The following HPSE2 variants were observed in gnomAD, a reference collection of about 807,000 sequenced individuals.
HPSE2 encodes heparanase 2 (inactive).
In HPSE2, 38 loss-of-function variants were observed where a neutral mutation model predicts 60.5. That is an observed-to-expected ratio of 0.63 (90% CI 0.48 to 0.82). The LOEUF (loss-of-function observed/expected upper bound fraction) is 0.82, where lower values mean the gene tolerates loss of function less well. Among genes scored for constraint, HPSE2 ranks in the 40% least tolerant of loss-of-function variants. The pLI is 0.00. For missense variants in HPSE2, 713 were observed against 740.4 expected (o/e 0.96, Z 0.43); for synonymous variants, 295 against 293.2 (o/e 1.01, Z -0.06).
At chr10:99,017,579 G>T (rs960892415) in intron 3 of HPSE2, among the ~76,000 whole-genome samples, 4 of 151,976 alleles carry the variant, frequency 2.6e-5, no homozygotes, top group African/African-American at 9.7e-5. Flanking sequence ...TCAATTTTTT[G>T]AAATAGTTTC....
At chr10:99,281,506 C>T in the HPSE2 span, among the ~76,000 whole-genome samples, 6 of 151,886 alleles carry the variant, frequency 4.0e-5, no homozygotes, top group South Asian at 1.0e-3. Context: ...ACTTATAACT[C>T]CTAAAATTCT....
intron 3 of HPSE2, among the ~76,000 whole-genome samples, chr10:98,764,681 C>T (rs1004809036): frequency 2.0e-5 from 3 of 152,220 alleles, no homozygotes; most frequent in South Asian, 4.1e-4. Flanking sequence ...TGGTGAAACC[C>T]TGTCTTCTAC....
chr10:98,932,872 T>A (rs1157490991), intron 3 of HPSE2, among the ~76,000 whole-genome samples: 1 of 143,802 alleles, frequency 7.0e-6, no homozygotes, highest in Non-Finnish European at 1.5e-5. Flanking sequence ...TCTCTTTTCT[T>A]CTCTATTAGT....
intron 3 of HPSE2, among the ~76,000 whole-genome samples, chr10:99,100,404 CA>C (rs1357809302): frequency 1.3e-5 from 2 of 151,978 alleles, no homozygotes; most frequent in Non-Finnish European, 2.9e-5. Context: ...GACTGAAGAT[CA>C]AATGAATGAA....
At chr10:99,225,062 A>C (rs1849429264) in intron 2 of HPSE2, among the ~76,000 whole-genome samples, 1 of 152,094 alleles carries the variant, frequency 6.6e-6, no homozygotes, top group Non-Finnish European at 1.5e-5. Flanking sequence ...CTGCGTACAA[A>C]ATTTCAAAGG....
chr10:98,546,413 G>A lies in HPSE2; in HGVS notation c.1321-56217C>T, dbSNP rs957739622. Among the ~76,000 whole-genome samples the A allele has an allele frequency of 6.9e-4, 102 of 147,306 alleles. 1 individual carries two copies. Among genetic ancestry groups the A allele is most frequent in the Admixed American group, 5.9e-3 (87 of 14,624 alleles). On this transcript the variant is annotated intron_variant, in intron 9 of 11. Transcript: ENST00000370552. ...ACCTGACTTCAAACTATACTACAAG[G>A]CTACAGTAACCAAAACAGCATGGTA...
At chr10:98,803,906 C>G (rs1178109235) in intron 3 of HPSE2, among the ~76,000 whole-genome samples, 4 of 151,904 alleles carry the variant, frequency 2.6e-5, no homozygotes, top group Non-Finnish European at 4.4e-5. Flanking sequence ...TATAAATTAC[C>G]TTGGGCAGTA....
chr10:99,133,685 A>C (rs1845534701), intron 3 of HPSE2, among the ~76,000 whole-genome samples: 1 of 152,226 alleles, frequency 6.6e-6, no homozygotes, highest in African/African-American at 2.4e-5. Context: ...ATAGAAAAAA[A>C]TAGCACATCC....
At chr10:98,905,160 T>G (rs990904798) in intron 3 of HPSE2, among the ~76,000 whole-genome samples, 28 of 152,152 alleles carry the variant, frequency 1.8e-4, no homozygotes, top group East Asian at 5.8e-4. Context: ...AAGTACTTCT[T>G]CTTTTTTTTT....
At chr10:98,899,758 CT>C (rs61080994) in intron 3 of HPSE2, among the ~76,000 whole-genome samples, 1,315 of 118,292 alleles carry the variant, frequency 0.011, 11 homozygotes, top group African/African-American at 0.038. Context: ...TTGGCAGTGT[CT>C]TTTTTTTTTT....
intron 9 of HPSE2, among the ~76,000 whole-genome samples, chr10:98,614,430 C>T (rs1236026133): frequency 6.6e-6 from 1 of 151,752 alleles, no homozygotes; most frequent in East Asian, 1.9e-4. Flanking sequence ...GTAGCTGGGA[C>T]CACAGGTGCC....
intron 2 of HPSE2, among the ~76,000 whole-genome samples, chr10:99,231,101 G>C (rs1589848839): frequency 6.6e-6 from 1 of 152,114 alleles, no homozygotes; most frequent in Non-Finnish European, 1.5e-5. Flanking sequence ...TCCTAGTCAT[G>C]CTCCAAACTC....
At chr10:98,493,763 GAC>G (rs1941737808) in intron 9 of HPSE2, among the ~76,000 whole-genome samples, 1 of 152,092 alleles carries the variant, frequency 6.6e-6, no homozygotes, top group Admixed American at 6.5e-5. Flanking sequence ...TCTGTCTTTT[GAC>G]TGGAGAGTTT....
intron 9 of HPSE2, among the ~76,000 whole-genome samples, chr10:98,505,308 G>C (rs1208502785): frequency 6.6e-6 from 1 of 152,176 alleles, no homozygotes; most frequent in Non-Finnish European, 1.5e-5. Context: ...AGAATCTCCA[G>C]GGAGTGAGGA....
rs145552155 is a variant in HPSE2, at chr10:98,633,460, G to A, written c.1098+8387C>T. 8.5e-3 allele frequency among the ~76,000 whole-genome samples: 1,290 copies of A among 152,206 alleles called. 18 individuals are homozygous for A. The highest frequency in any genetic ancestry group is 0.03 in the African/African-American group (1,227 of 41,520). ...AACTCCTGGCTCAAATGATTCACCT[G>A]CTTTGGACTCCCAAAGTGCTGAGAT... On this transcript the variant is annotated intron_variant, in intron 7 of 11. Coordinates refer to ENST00000370552, the MANE Select transcript of HPSE2 (RefSeq NM_021828.5).
the HPSE2 span, among the ~76,000 whole-genome samples, chr10:99,284,319 CAA>C: frequency 6.6e-6 from 1 of 151,984 alleles, no homozygotes; most frequent in African/African-American, 2.4e-5. Context: ...AAGCATTTGA[CAA>C]AGTCCAATAC....
At chr10:98,857,712 A>C (rs927419190) in intron 3 of HPSE2, among the ~76,000 whole-genome samples, 1 of 152,116 alleles carries the variant, frequency 6.6e-6, no homozygotes, top group Non-Finnish European at 1.5e-5. Context: ...TGTGACTTTT[A>C]ATAATGAAGT....
At chr10:98,910,351 A>C (rs930302338) in intron 3 of HPSE2, among the ~76,000 whole-genome samples, 15 of 152,192 alleles carry the variant, frequency 9.9e-5, no homozygotes, top group African/African-American at 3.6e-4. Flanking sequence ...CAGTAAAGAG[A>C]AATTTCAACT....
chr10:98,642,061 T>C, intron 6 of HPSE2, 121 bp from the exon 7 acceptor site: 1 of 820,626 alleles, frequency 1.2e-6, no homozygotes, highest in Non-Finnish European at 2.1e-6. Flanking sequence ...CGGGCTCTCA[T>C]ATTCTAAAAG....
Sources: gnomAD v4.1 joint callset for allele counts (sites outside exome capture counted in the v4.1 genomes callset) on GRCh38, gnomAD v4.1.1 for gene constraint, MANE v1.5 for transcripts, NCBI Gene and HGNC (gene_info 2026-07-23, HGNC 2026-07-21) for gene names.